The following ZNF875 variants were observed in gnomAD, a reference collection of about 807,000 sequenced individuals.
ZNF875 encodes HKR1, GLI-Kruppel zinc finger family member.
ZNF875 carries 14 observed loss-of-function variants against 11.2 expected under a neutral mutation model. The observed-to-expected ratio is 1.26, with a 90% confidence interval of 0.83 to 1.96. The LOEUF is 1.96. Ranked by LOEUF, ZNF875 falls within the 30% of genes most tolerant of loss-of-function variation. The pLI, the probability that ZNF875 is intolerant of heterozygous loss-of-function variation, is 0.00. For missense variants in ZNF875, 752 were observed against 760.4 expected (o/e 0.99, Z 0.13); for synonymous variants, 301 against 281.1 (o/e 1.07, Z -0.71).
chr19:37,344,911 C>G, intron 2 of ZNF875: 1 of 666,838 alleles, frequency 1.5e-6, no homozygotes. Context: ...AGGCAGATAC[C>G]TGAATAGCCT....
upstream of ZNF875, among the ~76,000 whole-genome samples, chr19:37,316,726 G>A (rs1265129616): frequency 6.6e-6 from 1 of 151,556 alleles, no homozygotes; most frequent in Admixed American, 6.6e-5. Context: ...GCAGGGGCGC[G>A]ATCTCGGCTC....
upstream of ZNF875, among the ~76,000 whole-genome samples, chr19:37,334,155 G>A (rs1210773072): frequency 6.6e-6 from 1 of 152,176 alleles, no homozygotes; most frequent in Non-Finnish European, 1.5e-5. Context: ...ATAGCCTTGG[G>A]GTTCCCTGTC....
At chr19:37,335,880 A>G (rs1478467008) in intron 2 of ZNF875, among the ~76,000 whole-genome samples, 1 of 151,990 alleles carries the variant, frequency 6.6e-6, no homozygotes, top group Admixed American at 6.5e-5. Flanking sequence ...GGCTCCAAAC[A>G]TAGTCTGACC....
rs1568679808 is a variant in ZNF875, at chr19:37,363,711, AGT to A, written c.1863_1864del (p.Cys621TrpfsTer5). 2.5e-6 allele frequency: 4 copies of A among 1,613,742 alleles called. No homozygotes were observed. The Admixed American group carries it at 5.0e-5, about 20-fold the overall frequency. ...GGAGAGAAGCCTTATATTTGCAGAA[AGT>A]GTGGACGGGGCTTTAGTCGGAAGTC... On this transcript the variant is annotated frameshift_variant, in exon 5 of 5. Coordinates refer to ENST00000392153, the MANE Select transcript of ZNF875 (RefSeq NM_001353803.2). LOFTEE classifies it low-confidence loss of function (END_TRUNC).
At chr19:37,346,288 C>T (rs779421006) in intron 2 of ZNF875, 4 of 152,120 alleles carry the variant, frequency 2.6e-5, no homozygotes, top group African/African-American at 4.8e-5. Context: ...ATTTTTAGTT[C>T]GCAGGAGAAA....
chr19:37,342,773 G>A (rs1307852001), intron 2 of ZNF875, among the ~76,000 whole-genome samples: 1 of 152,078 alleles, frequency 6.6e-6, no homozygotes, highest in African/African-American at 2.4e-5. Context: ...AATTCATCAG[G>A]TATATTTTCT....
chr19:37,359,409 C>CTTTT, intron 4 of ZNF875: 12 of 188,472 alleles, frequency 6.4e-5, no homozygotes, highest in South Asian at 4.1e-4. Flanking sequence ...ATAGTCTTTT[C>CTTTT]TTTTTTTTTT....
chr19:37,347,749 A>G (rs370613197), intron 3 of ZNF875, 28 bp from the exon 4 acceptor site: 8 of 1,452,092 alleles, frequency 5.5e-6, no homozygotes, highest in South Asian at 1.1e-5. Flanking sequence ...ATAACCAACA[A>G]TGTCCTCATT....
chr19:37,362,591 A>T lies in ZNF875; in HGVS notation c.739A>T (p.Thr247Ser). 6.2e-7 allele frequency: 1 copy of T among 1,614,152 alleles called. No individual in the cohort carries two copies. The highest frequency in any genetic ancestry group is 8.5e-7 in the Non-Finnish European group (1 of 1,180,014). The change falls in exon 5 of 5, where the codon ACA becomes TCA. Residue 247 changes from threonine to serine, a missense_variant. Thr to Ser is a moderately conservative substitution (Grantham distance 58, BLOSUM62 1). Transcript: ENST00000392153. The stretch of plus-strand genomic sequence containing the variant: ...GTCAAACCTCCTTAGCCTCCAGAAG[A>T]CACAAACTGGGGAGACACCTTACAT... ...KESNLLSLQKTQTGETPYMYT... is the reference protein window; with the variant it reads ...KESNLLSLQKSQTGETPYMYT...
At chr19:37,352,221 CT>C (rs879441345) in intron 4 of ZNF875, among the ~76,000 whole-genome samples, 176 of 141,756 alleles carry the variant, frequency 1.2e-3, no homozygotes, top group Middle Eastern at 3.6e-3. Context: ...CTACTCCAGG[CT>C]TTTTTTTTTT....
At chr19:37,361,543 C>A (rs562058381) in intron 4 of ZNF875, among the ~76,000 whole-genome samples, 6 of 152,142 alleles carry the variant, frequency 3.9e-5, no homozygotes, top group Non-Finnish European at 5.9e-5. Flanking sequence ...AAGGTAAAAA[C>A]CATTTTTAGC....
At chr19:37,314,233 T>C (rs1222850708), upstream of ZNF875, among the ~76,000 whole-genome samples, 1 of 152,134 alleles carries the variant, frequency 6.6e-6, no homozygotes, top group Non-Finnish European at 1.5e-5. Flanking sequence ...CACGTTAACC[T>C]ACCTAGTAGC....
intron 4 of ZNF875, chr19:37,325,192 C>T (rs2032213273): frequency 6.6e-6 from 1 of 152,242 alleles, no homozygotes; most frequent in Non-Finnish European, 1.5e-5. Context: ...CCCCTAGTGT[C>T]AGCCATGCTA....
At chr19:37,316,557 A>T (rs1048916260), upstream of ZNF875, among the ~76,000 whole-genome samples, 9 of 151,486 alleles carry the variant, frequency 5.9e-5, no homozygotes, top group African/African-American at 2.2e-4. Flanking sequence ...TTTAGTAGAG[A>T]CGGAGTTTCA....
intron 4 of ZNF875, among the ~76,000 whole-genome samples, chr19:37,350,583 G>A (rs1379329229): frequency 6.6e-6 from 1 of 151,784 alleles, no homozygotes; most frequent in Non-Finnish European, 1.5e-5. Context: ...TTCAGATTCA[G>A]ATTTCATCAG....
rs1174900120 is a variant in ZNF875 at position 37,363,067 on chromosome 19, GAAGTCACA to G, written c.1216_1223del (p.Lys406ProfsTer24). 1 of 1,614,024 alleles carries G rather than the reference GAAGTCACA, an allele frequency of 6.2e-7. No individual in the cohort carries two copies. Among genetic ancestry groups the G allele is most frequent in the East Asian group, 2.2e-5 (1 of 44,828 alleles). ...GGGAGTGTGAGCAAGGCTTTAGCCAGAAGTCACACCTCATCAGACACTTAAGGACACAC... is the reference window on the plus strand; with the variant it reads ...GGGAGTGTGAGCAAGGCTTTAGCCAGCCTCATCAGACACTTAAGGACACAC... On this transcript the variant is annotated frameshift_variant, in exon 5 of 5. Coordinates refer to ENST00000392153, the MANE Select transcript of ZNF875 (RefSeq NM_001353803.2). LOFTEE classifies it low-confidence loss of function (END_TRUNC).
At chr19:37,317,322 G>A (rs2030297872), upstream of ZNF875, among the ~76,000 whole-genome samples, 1 of 151,538 alleles carries the variant, frequency 6.6e-6, no homozygotes, top group South Asian at 2.1e-4. Flanking sequence ...GAGTAGCTGG[G>A]ACTACAGGCG....
At chr19:37,356,336 C>T (rs1409837701) in intron 4 of ZNF875, among the ~76,000 whole-genome samples, 1 of 152,172 alleles carries the variant, frequency 6.6e-6, no homozygotes, top group East Asian at 1.9e-4. Context: ...TGAGAAATTT[C>T]CATACTGTTT....
upstream of ZNF875, among the ~76,000 whole-genome samples, chr19:37,317,319 T>C (rs1258733861): frequency 6.6e-6 from 1 of 150,860 alleles, no homozygotes; most frequent in African/African-American, 2.4e-5. Context: ...TCCGAGTAGC[T>C]GGGACTACAG....
Sources: gnomAD v4.1 joint callset for allele counts (sites outside exome capture counted in the v4.1 genomes callset) on GRCh38, gnomAD v4.1.1 for gene constraint, MANE v1.5 for transcripts, NCBI Gene and HGNC (gene_info 2026-07-23, HGNC 2026-07-21) for gene names.